PLEKHA5: variants seen among roughly 807,000 people sequenced by gnomAD.
The protein encoded by PLEKHA5 is pleckstrin homology domain containing A5.
Under a neutral mutation model 181.9 loss-of-function variants are expected in PLEKHA5, and 55 were observed. The observed-to-expected ratio is 0.30, with a 90% CI of 0.24 to 0.38. The LOEUF is 0.38. Ranked by LOEUF, PLEKHA5 falls within the 10% of genes least tolerant of loss-of-function variation. The pLI, the probability that PLEKHA5 is intolerant of heterozygous loss-of-function variation, is 1.00. For missense variants in PLEKHA5, 1,432 were observed against 1,549.5 expected (o/e 0.92, Z 1.27); for synonymous variants, 535 against 529.4 (o/e 1.01, Z -0.15).
At chr12:19,243,967 C>T (rs1017973733) in intron 3 of PLEKHA5, among the ~76,000 whole-genome samples, 6 of 152,130 alleles carry the variant, frequency 3.9e-5, no homozygotes, top group African/African-American at 1.2e-4. Flanking sequence ...CAGAAACTGT[C>T]TTTGTGGCAG....
intron 3 of PLEKHA5, among the ~76,000 whole-genome samples, chr12:19,132,888 TAACA>T (rs2034398274): frequency 6.8e-6 from 1 of 146,970 alleles, no homozygotes; most frequent in African/African-American, 2.5e-5. Context: ...TGCTGAGAGA[TAACA>T]AACAAAAAAA....
At chr12:19,278,185 G>A (rs1465195029) in intron 11 of PLEKHA5, among the ~76,000 whole-genome samples, 1 of 152,166 alleles carries the variant, frequency 6.6e-6, no homozygotes, top group Non-Finnish European at 1.5e-5. Flanking sequence ...TGGTTCCAAA[G>A]ATGACAGAAG....
At chr12:19,322,446 A>C (rs2091104325) in intron 19 of PLEKHA5, 56 bp downstream of exon 19, 1 of 1,568,530 alleles carries the variant, frequency 6.4e-7, no homozygotes, top group African/African-American at 1.3e-5. Context: ...GATTATTATC[A>C]GGACACTGAT....
At chr12:19,181,025 G>C (rs1312671915) in intron 3 of PLEKHA5, among the ~76,000 whole-genome samples, 1 of 111,834 alleles carries the variant, frequency 8.9e-6, no homozygotes, top group Non-Finnish European at 1.9e-5. Context: ...TGGATAGGCA[G>C]ATAGTTGAAA....
chr12:19,171,666 A>G (rs2151673177), intron 3 of PLEKHA5, among the ~76,000 whole-genome samples: 1 of 152,274 alleles, frequency 6.6e-6, no homozygotes, highest in Middle Eastern at 3.4e-3. Flanking sequence ...GCCCTTTAAA[A>G]TGTTTTAAAA....
intron 3 of PLEKHA5, among the ~76,000 whole-genome samples, chr12:19,180,357 C>G (rs1027247862): frequency 1.3e-5 from 2 of 152,036 alleles, no homozygotes; most frequent in Admixed American, 1.3e-4. Context: ...AGCAGAAAAC[C>G]CCTCTATTTA....
At chr12:19,321,215 T>C in intron 18 of PLEKHA5, among the ~76,000 whole-genome samples, 1 of 151,964 alleles carries the variant, frequency 6.6e-6, no homozygotes, top group Non-Finnish European at 1.5e-5. Context: ...CGAATTGCTG[T>C]GTTTTTCAGA....
At chr12:19,349,644 C>CCCA (rs2094496429) in intron 25 of PLEKHA5, among the ~76,000 whole-genome samples, 6 of 151,698 alleles carry the variant, frequency 4.0e-5, no homozygotes, top group African/African-American at 1.5e-4. Context: ...TGGTGGCTAA[C>CCCA]GCCTGTAATC....
intron 3 of PLEKHA5, among the ~76,000 whole-genome samples, chr12:19,210,265 T>C (rs1364506730): frequency 6.6e-6 from 1 of 152,228 alleles, no homozygotes; most frequent in East Asian, 1.9e-4. Flanking sequence ...CCCTGATACA[T>C]CTTAGTAAAA....
intron 21 of PLEKHA5, among the ~76,000 whole-genome samples, chr12:19,337,408 G>A (rs967525099): frequency 6.6e-6 from 1 of 151,516 alleles, no homozygotes; most frequent in Non-Finnish European, 1.5e-5. Context: ...CAAAAATTAG[G>A]TGTAGTGGCA....
At chr12:19,270,020 T>C (rs1025275295) in intron 9 of PLEKHA5, 135 bp downstream of exon 9, 16 of 636,310 alleles carry the variant, frequency 2.5e-5, no homozygotes, top group Middle Eastern at 2.5e-4. Context: ...AAAGCAAGGA[T>C]CAATTCCTGT....
intron 20 of PLEKHA5, among the ~76,000 whole-genome samples, chr12:19,335,956 A>G (rs1242576303): frequency 2.6e-5 from 4 of 152,160 alleles, no homozygotes; most frequent in African/African-American, 4.8e-5. Context: ...AAGCACCTCT[A>G]GAATTATTCT....
chr12:19,243,035 A>G (rs921697327), intron 3 of PLEKHA5: 5 of 152,250 alleles, frequency 3.3e-5, no homozygotes, highest in Non-Finnish European at 5.9e-5. Flanking sequence ...CTTCAGATAG[A>G]AATGATCCTG....
chr12:19,309,448 C>T (rs962800485), intron 15 of PLEKHA5, among the ~76,000 whole-genome samples: 25 of 152,048 alleles, frequency 1.6e-4, no homozygotes, highest in Non-Finnish European at 2.9e-4. Context: ...GGAAATTGAC[C>T]TTCATATGCT....
At chr12:19,360,915 C>T (rs982360017) in intron 28 of PLEKHA5, among the ~76,000 whole-genome samples, 3 of 151,946 alleles carry the variant, frequency 2.0e-5, no homozygotes, top group Non-Finnish European at 4.4e-5. Context: ...GCCACCACGC[C>T]CAGCTAATTT....
intron 31 of PLEKHA5, chr12:19,372,778 T>C (rs1000942976): frequency 6.6e-6 from 1 of 151,378 alleles, no homozygotes; most frequent in Non-Finnish European, 1.5e-5. Context: ...TTTTTTCTTT[T>C]TTTTTTTTTT....
chr12:19,159,546 A>G (rs912562824), intron 3 of PLEKHA5, among the ~76,000 whole-genome samples: 1 of 152,110 alleles, frequency 6.6e-6, no homozygotes, highest in Non-Finnish European at 1.5e-5. Flanking sequence ...CTGTTCTGTT[A>G]TTCTGTTTAT....
Position 19,130,094 on chromosome 12 carries a change from G to A in PLEKHA5, c.133G>A (p.Glu45Lys). 6.3e-7 allele frequency: 1 copy of A among 1,588,942 alleles called. No individual in the cohort carries two copies. Among genetic ancestry groups the A allele is most frequent in the Non-Finnish European group, 8.6e-7 (1 of 1,169,226 alleles). ...CACCTGGCTGCACCCCGTCACCGGC[G>A]AGGCGGTGGTCACCGGACACCGGCG... ...STTWLHPVTG[E>K]AVVTGHRRQS... The change falls in exon 2 of 32, where the codon GAG becomes AAG. Residue 45 changes from glutamate (E) to lysine (K), a missense_variant. By Grantham distance (56) the Glu-to-Lys change is moderately conservative. Transcript: ENST00000429027. The surrounding 1 kb of genome is among the most constrained non-coding windows in gnomAD (Gnocchi z 4.5).
intron 3 of PLEKHA5, chr12:19,176,156 G>A (rs1031654542): frequency 1.3e-5 from 2 of 151,628 alleles, no homozygotes; most frequent in Non-Finnish European, 2.9e-5. Flanking sequence ...TATAGCTTTG[G>A]AGGGAGTTCT....
Sources: allele counts gnomAD v4.1 joint callset (sites outside exome capture counted in the v4.1 genomes callset), GRCh38; gene constraint gnomAD v4.1.1; non-coding constraint Gnocchi (gnomAD v3.1); transcripts MANE v1.5; gene names NCBI Gene and HGNC (gene_info 2026-07-23, HGNC 2026-07-21).